Variants in C17orf99 observed in about 807,000 individuals in gnomAD.
The protein encoded by C17orf99 is protein IL-40.
A neutral mutation model predicts 22.6 loss-of-function variants in C17orf99; 18 were observed. That is an observed-to-expected ratio of 0.80 (90% CI 0.55 to 1.18). The LOEUF (loss-of-function observed/expected upper bound fraction) is 1.18. Ranked by LOEUF, C17orf99 falls within the 50% of genes most tolerant of loss-of-function variation. The pLI is 0.00. For synonymous variants in C17orf99, 147 were observed against 136.6 expected (o/e 1.08, Z -0.53); for missense variants, 328 against 342.7 (o/e 0.96, Z 0.34).
At chr17:78,160,710 A>G in intron 2 of C17orf99, 1 of 512,382 alleles carries the variant, frequency 2.0e-6, no homozygotes, top group Non-Finnish European at 3.5e-6. Flanking sequence ...TAGCTTCCCG[A>G]GTAGCAGGGA....
Position 78,146,966 on chromosome 17 carries a change from A to G in C17orf99, c.70+55A>G. The G allele has an allele frequency of 2.7e-6, 4 of 1,497,138 alleles. No individual in the cohort carries two copies. The highest frequency in any genetic ancestry group is 3.6e-6 in the Non-Finnish European group (4 of 1,097,634). The allele number at this position is 1,497,138 out of a possible 1,614,324, so 92.7% of individuals were successfully genotyped here. ...GTCCCCCAGCTGGGACCCTGGTGTCAGAACCCCCATGGTGGAGGGCGCCTC... is the reference window on the plus strand; with the variant it reads ...GTCCCCCAGCTGGGACCCTGGTGTCGGAACCCCCATGGTGGAGGGCGCCTC... On this transcript the variant is annotated intron_variant, in intron 2 of 4. Transcript: ENST00000340363. This position sits in a 1 kb window ranked among gnomAD's most constrained non-coding sequence, Gnocchi z 5.2.
Position 78,161,119 on chromosome 17 carries a change from G to A in C17orf99, c.235G>A (p.Glu79Lys), listed in dbSNP as rs948785372. Reference sequence around the variant, plus strand: ...GGCCAAGAAGGTGGTGAAGACCCACGAGCCGGCCTCCTTCAACCTCAACGT... The same window carrying A: ...GGCCAAGAAGGTGGTGAAGACCCACAAGCCGGCCTCCTTCAACCTCAACGT... ...KVAKKVVKTH[E>K]PASFNLNVTL... The change falls in exon 3 of 5, where the codon GAG (glutamate) becomes AAG (lysine). Residue 79 changes from glutamate (E) to lysine (K), a missense_variant. By Grantham distance (56) the Glu-to-Lys change is moderately conservative. Coordinates refer to ENST00000340363, the MANE Select transcript of C17orf99 (RefSeq NM_001163075.2). The A allele has an allele frequency of 6.4e-6, 10 of 1,551,654 alleles. No individual in the cohort carries two copies. The highest frequency in any genetic ancestry group is 3.9e-5 in the Admixed American group (2 of 50,976).
intron 3 of C17orf99, 149 bp downstream of exon 3, chr17:78,161,403 C>T: frequency 1.4e-6 from 1 of 696,474 alleles, no homozygotes; most frequent in Non-Finnish European, 2.4e-6. Flanking sequence ...CCTCCAAGGC[C>T]ATTCTCAGTC....
In C17orf99 at chr17:78,146,863, C is replaced by G; in HGVS notation, c.38-16C>G. ...CACACCAGGCCCTCTCCTTATCGCC[C>G]TTACCTCTCTTACAGCTGCCAGCAG... On this transcript the variant is annotated splice_polypyrimidine_tract_variant and intron_variant, in intron 1 of 4. Transcript: ENST00000340363. This position sits in a 1 kb window ranked among gnomAD's most constrained non-coding sequence, Gnocchi z 5.2. The G allele has an allele frequency of 6.4e-7, 1 of 1,551,298 alleles. No individual in the cohort carries two copies. Among genetic ancestry groups the G allele is most frequent in the Non-Finnish European group, 8.7e-7 (1 of 1,146,722 alleles).
rs547425397 is a variant in C17orf99 at position 78,150,410 on chromosome 17, C to T, written c.70+3499C>T. On this transcript the variant is annotated intron_variant, in intron 2 of 4. Transcript: ENST00000340363. ...CCTCCCTCTTTAGCCTCCCGAAGTG[C>T]GGGGGTTACAGGTATGAGCCACTGT... 5.9e-5 allele frequency among the ~76,000 whole-genome samples: 9 copies of T among 152,134 alleles called. No homozygotes were observed. In the South Asian group the frequency reaches 1.2e-3, roughly 21 times the overall value.
At chr17:78,151,360 G>T (rs1213490068) in intron 2 of C17orf99, among the ~76,000 whole-genome samples, 1 of 139,524 alleles carries the variant, frequency 7.2e-6, no homozygotes, top group Non-Finnish European at 1.5e-5. Context: ...AGAGGCGGAG[G>T]TTGCAGTGAG....
intron 2 of C17orf99, among the ~76,000 whole-genome samples, chr17:78,153,204 G>A (rs1402877590): frequency 1.3e-5 from 2 of 152,160 alleles, no homozygotes; most frequent in Non-Finnish European, 2.9e-5. Flanking sequence ...TGAGTGTGCG[G>A]CCGGGGACGG....
At chr17:78,151,835 G>A (rs576226276) in intron 2 of C17orf99, among the ~76,000 whole-genome samples, 77 of 152,272 alleles carry the variant, frequency 5.1e-4, no homozygotes, top group Non-Finnish European at 8.7e-4. Context: ...AACGGACGGC[G>A]GCTTATTCAA....
At position 78,159,558 on chromosome 17, in the gene C17orf99, G is replaced by A. The variant is rs575139600; in HGVS notation, c.71-1397G>A. Among the ~76,000 whole-genome samples, 14 of 145,766 alleles carry A rather than the reference G, an allele frequency of 9.6e-5. No homozygotes were observed. The South Asian group carries it at 3.0e-3, about 32-fold the overall frequency. On this transcript the variant is annotated intron_variant, in intron 2 of 4. Coordinates refer to ENST00000340363, the MANE Select transcript of C17orf99 (RefSeq NM_001163075.2). ...GGAGGCTGAGGCACGAGAATCTCTT[G>A]AACACGGGAGGCGACAGTGCAAGAC...
chr17:78,148,213 A>G (rs12453320), intron 2 of C17orf99, among the ~76,000 whole-genome samples: 5,054 of 132,880 alleles, frequency 0.038, 378 homozygotes, highest in East Asian at 0.2. Flanking sequence ...TGAGACCCCC[A>G]TCTCTTAAAA....
At chr17:78,151,606 G>A (rs1205045647) in intron 2 of C17orf99, among the ~76,000 whole-genome samples, 2 of 151,972 alleles carry the variant, frequency 1.3e-5, no homozygotes. Flanking sequence ...TGGTTTCTGG[G>A]GGTTGCCTCC....
chr17:78,159,591 C>CAAAA (rs58887528), intron 2 of C17orf99, among the ~76,000 whole-genome samples: 14,095 of 140,448 alleles, frequency 0.1, 1,075 homozygotes, highest in African/African-American at 0.2. Context: ...GACTCTGTCT[C>CAAAA]AAAAAAAAAA....
At chr17:78,147,114 T>C (rs1000832527) in intron 2 of C17orf99, among the ~76,000 whole-genome samples, 2 of 152,122 alleles carry the variant, frequency 1.3e-5, no homozygotes, top group South Asian at 4.1e-4. Flanking sequence ...AGCAGGCCAG[T>C]GTGGGGACCT....
chr17:78,160,431 G>C (rs2075564226), intron 2 of C17orf99, among the ~76,000 whole-genome samples: 9 of 151,798 alleles, frequency 5.9e-5, no homozygotes, highest in Admixed American at 5.9e-4. Context: ...AGCTATTCGG[G>C]AGGCTGAAGC....
chr17:78,148,188 G>A (rs1014165901), intron 2 of C17orf99, among the ~76,000 whole-genome samples: 11 of 148,374 alleles, frequency 7.4e-5, no homozygotes, highest in African/African-American at 2.8e-4. Context: ...TTCAAGACCA[G>A]CCTGACCGAC....
intron 2 of C17orf99, chr17:78,157,479 C>G: frequency 7.8e-7 from 1 of 1,281,592 alleles, no homozygotes; most frequent in African/African-American, 1.5e-5. Context: ...GCGACCTTCC[C>G]AATGCAGTCC....
In C17orf99 at chr17:78,161,169, G is replaced by C. The variant is rs781449925; in HGVS notation, c.285G>C (p.Leu95=). Residue 95 remains leucine, a synonymous_variant, in exon 3 of 5, where the codon CTG becomes CTC. Coordinates refer to ENST00000340363, the MANE Select transcript of C17orf99 (RefSeq NM_001163075.2). The part of the protein sequence containing the change: ...LNVTLKSSPD[L]LTYFCWASST... ...TCACACTCAAGTCCAGTCCAGACCT[G>C]CTCACCTACTTCTGCTGGGCGTCCT... is the stretch of plus-strand genomic sequence containing the variant. 3 of 1,551,786 alleles carry C rather than the reference G, an allele frequency of 1.9e-6. No individual in the cohort carries two copies. The South Asian group carries it at 3.6e-5, about 18-fold the overall frequency.
At position 78,157,874 on chromosome 17, in the gene C17orf99, T is replaced by C. The variant is rs536367467; in HGVS notation, c.71-3081T>C. On this transcript the variant is annotated intron_variant, in intron 2 of 4. Transcript: ENST00000340363. ...CCGGCCACGTAAGATCGTCGAGATG[T>C]CTACTTCGATGACTGGCAAGCACGG... 34 of 1,121,944 alleles carry C rather than the reference T, an allele frequency of 3.0e-5. No homozygotes were observed. In the African/African-American group the frequency reaches 5.2e-4, roughly 17 times the overall value. The allele number at this position is 1,121,944 out of a possible 1,614,324, so 69.5% of individuals were successfully genotyped here.
rs771330920 is a variant in C17orf99, at chr17:78,155,124, A to ATT, written c.71-5813_71-5812dup. On this transcript the variant is annotated intron_variant, in intron 2 of 4. Transcript: ENST00000340363. ...CCACTAAATGTCAGCAGCAACCCCT[A>ATT]TTTTTTTTTTTTTTTTTTTGTGGAG... 4.7e-4 allele frequency among the ~76,000 whole-genome samples: 49 copies of ATT among 104,596 alleles called. 1 individual carries two copies. Among genetic ancestry groups the ATT allele is most frequent in the East Asian group, 3.3e-3 (13 of 3,962 alleles). 68.6% of individuals were successfully genotyped at this position (104,596 alleles called of 152,430 possible). A position where few individuals can be genotyped will look rare whatever the true frequency, so the allele number is the denominator to read the frequency against.
Sources: gnomAD v4.1 joint callset for allele counts (sites outside exome capture counted in the v4.1 genomes callset) on GRCh38, gnomAD v4.1.1 for gene constraint, Gnocchi (gnomAD v3.1) non-coding constraint, MANE v1.5 for transcripts, NCBI Gene and HGNC (gene_info 2026-07-23, HGNC 2026-07-21) for gene names.